Variants in RIPOR2 observed in about 807,000 individuals in gnomAD.
The protein encoded by RIPOR2 is rho family-interacting cell polarization regulator 2.
Under a neutral mutation model 114.5 loss-of-function variants are expected in RIPOR2, and 39 were observed. The ratio of observed to expected loss-of-function variants is 0.34; its 90% CI spans 0.26 to 0.44. The LOEUF is 0.44. RIPOR2 is among the 20% of genes least tolerant of loss of function. The pLI is 1.00. For missense variants in RIPOR2, 1,007 were observed against 1,255.1 expected, an observed-to-expected ratio of 0.80 and a Z score of 2.99; for synonymous variants, 445 against 484.4, an observed-to-expected ratio of 0.92 and a Z score of 1.07.
At chr6:24,860,314 T>C (rs978797876) in intron 8 of RIPOR2, among the ~76,000 whole-genome samples, 1 of 151,842 alleles carries the variant, frequency 6.6e-6, no homozygotes. Flanking sequence ...CTACAGCAAG[T>C]CAAGGGTAGA....
chr6:24,972,448 G>A (rs978729151), intron 1 of RIPOR2, among the ~76,000 whole-genome samples: 1 of 152,214 alleles, frequency 6.6e-6, no homozygotes, highest in African/African-American at 2.4e-5. Context: ...GAGGAGGCTG[G>A]TGAAGGCCCG....
intron 1 of RIPOR2, among the ~76,000 whole-genome samples, chr6:24,907,949 G>A (rs545906171): frequency 9.2e-5 from 14 of 152,090 alleles, no homozygotes; most frequent in African/African-American, 3.4e-4. Context: ...TGAGTGACTG[G>A]GCTATCTGTA....
At chr6:24,902,536 C>G (rs1327255968) in intron 1 of RIPOR2, among the ~76,000 whole-genome samples, 1 of 152,084 alleles carries the variant, frequency 6.6e-6, no homozygotes. Flanking sequence ...CTCTTTTTCT[C>G]CATCTCCTAA....
chr6:24,963,398 T>TAGA (rs1773392027), intron 1 of RIPOR2, among the ~76,000 whole-genome samples: 1 of 152,168 alleles, frequency 6.6e-6, no homozygotes, highest in African/African-American at 2.4e-5. Flanking sequence ...AATCCACACC[T>TAGA]AGAAGAGGAA....
At chr6:24,976,859 C>T (rs1287157077) in intron 1 of RIPOR2, 11 of 1,609,618 alleles carry the variant, frequency 6.8e-6, no homozygotes, top group Non-Finnish European at 8.5e-6. Context: ...GGATGGCAAG[C>T]ATGTGGTCTT....
intron 1 of RIPOR2, among the ~76,000 whole-genome samples, chr6:25,018,498 G>C (rs1252634711): frequency 6.6e-6 from 1 of 151,742 alleles, no homozygotes; most frequent in Admixed American, 6.6e-5. Flanking sequence ...TATATAGAAC[G>C]CTCCTTAACC....
At chr6:25,002,905 C>T (rs887655218) in intron 1 of RIPOR2, among the ~76,000 whole-genome samples, 12 of 152,134 alleles carry the variant, frequency 7.9e-5, no homozygotes, top group African/African-American at 2.2e-4. Flanking sequence ...AAGTTGCAGC[C>T]GGCAATGTGC....
intron 1 of RIPOR2, among the ~76,000 whole-genome samples, chr6:24,912,398 T>C (rs1057154772): frequency 2.6e-5 from 4 of 151,940 alleles, no homozygotes; most frequent in African/African-American, 9.7e-5. Flanking sequence ...AATGGCCACA[T>C]CTATTCATTA....
At chr6:24,862,942 GTAT>G (rs1353469391) in intron 7 of RIPOR2, among the ~76,000 whole-genome samples, 1 of 152,010 alleles carries the variant, frequency 6.6e-6, no homozygotes, top group East Asian at 1.9e-4. Flanking sequence ...ATGTGAGGAT[GTAT>G]TTCTTTCTTG....
At chr6:24,970,639 A>G (rs949274031) in intron 1 of RIPOR2, among the ~76,000 whole-genome samples, 4 of 152,204 alleles carry the variant, frequency 2.6e-5, no homozygotes, top group African/African-American at 7.2e-5. Context: ...ATCCTAATGT[A>G]TTAAGAGTAG....
At chr6:25,023,663 T>C in intron 1 of RIPOR2, 1 of 762,864 alleles carries the variant, frequency 1.3e-6, no homozygotes, top group Non-Finnish European at 2.4e-6. Flanking sequence ...ACCTCGGGAC[T>C]TCATTCCAGT....
At chr6:25,006,222 C>T (rs1444930941) in intron 1 of RIPOR2, among the ~76,000 whole-genome samples, 3 of 152,194 alleles carry the variant, frequency 2.0e-5, no homozygotes, top group African/African-American at 7.2e-5. Context: ...TTTCAATGCT[C>T]ATGCCTCTTT....
intron 1 of RIPOR2, among the ~76,000 whole-genome samples, chr6:24,994,006 G>A (rs952926024): frequency 6.6e-6 from 1 of 152,148 alleles, no homozygotes; most frequent in South Asian, 2.1e-4. Context: ...GTTGATTCTT[G>A]AGTTAACTGG....
chr6:24,872,926 G>A lies in RIPOR2; in HGVS notation c.378C>T (p.Asp126=). ...TATCTTTTAACTGAGCTGTCAACTT[G>A]TCCAGCTCCGTCTGGTGAACCTCCA... ...EYLEVHQTEL[D]KLTAQLKDMK... The change falls in exon 4 of 22, where the codon GAC becomes GAT. Residue 126 remains aspartate (D), a synonymous_variant. Coordinates refer to ENST00000643898, the MANE Select transcript of RIPOR2 (RefSeq NM_001286445.3). 1 of 1,612,158 alleles carries A rather than the reference G, an allele frequency of 6.2e-7. No homozygotes were observed. The highest frequency in any genetic ancestry group is 8.5e-7 in the Non-Finnish European group (1 of 1,178,528).
At position 24,865,204 on chromosome 6, in the gene RIPOR2, G is replaced by A. The variant is rs148149209; in HGVS notation, c.651+97C>T. The A allele has an allele frequency of 2.3e-4, 229 of 982,074 alleles. No individual in the cohort carries two copies. The African/African-American group carries it at 3.2e-3, about 14-fold the overall frequency. The allele number at this position is 982,074 out of a possible 1,614,324, so 60.8% of individuals were successfully genotyped here. Reference sequence around the variant, plus strand: ...CCTATCTTTCTAGAGGGTGGAATGAGGTTGTGGGTTGCTGTTTGCCTTGTT... The same window carrying A: ...CCTATCTTTCTAGAGGGTGGAATGAAGTTGTGGGTTGCTGTTTGCCTTGTT... On this transcript the variant is annotated intron_variant, in intron 7 of 21. Coordinates refer to ENST00000643898, the MANE Select transcript of RIPOR2 (RefSeq NM_001286445.3).
intron 17 of RIPOR2, 72 bp downstream of exon 17, chr6:24,830,436 TC>T: frequency 7.8e-7 from 1 of 1,282,730 alleles, no homozygotes. Context: ...AGGACCCCTC[TC>T]CCCCGACCCC....
chr6:24,875,826 C>T lies in RIPOR2; in HGVS notation c.62-9G>A, dbSNP rs760452161. On this transcript the variant is annotated splice_polypyrimidine_tract_variant and intron_variant, in intron 1 of 21. Coordinates refer to ENST00000643898, the MANE Select transcript of RIPOR2 (RefSeq NM_001286445.3). ...GAGTCTGGTCGGTAGTCCTAGAAGA[C>T]AGTGGAAAGATCATGACAATTTATA... The T allele has an allele frequency of 1.3e-6, 2 of 1,597,060 alleles. No individual in the cohort carries two copies. The highest frequency in any genetic ancestry group is 1.1e-5 in the South Asian group (1 of 88,402).
intron 1 of RIPOR2, chr6:24,929,269 G>A (rs1158549848): frequency 6.6e-6 from 1 of 151,926 alleles, no homozygotes; most frequent in Non-Finnish European, 1.5e-5. Flanking sequence ...AGTAAAGATG[G>A]TTTTTAGCTT....
chr6:24,995,544 C>T (rs149248626), intron 1 of RIPOR2, among the ~76,000 whole-genome samples: 20 of 152,280 alleles, frequency 1.3e-4, no homozygotes, highest in Non-Finnish European at 2.6e-4. Flanking sequence ...GATTCTGTGC[C>T]GTAGGAGCAT....
Sources: allele counts gnomAD v4.1 joint callset (sites outside exome capture counted in the v4.1 genomes callset), GRCh38; gene constraint gnomAD v4.1.1; transcripts MANE v1.5; gene names NCBI Gene and HGNC (gene_info 2026-07-23, HGNC 2026-07-21).